The following AXL variants were observed in gnomAD, a reference collection of about 807,000 sequenced individuals.
AXL encodes the protein AXL receptor tyrosine kinase.
A neutral mutation model predicts 104.5 loss-of-function variants in AXL; 52 were observed. The observed-to-expected ratio is 0.50, with a 90% CI of 0.40 to 0.63. AXL has a LOEUF of 0.63. Ranked by LOEUF, AXL falls within the 20% of genes least tolerant of loss-of-function variation. The probability of loss-of-function intolerance (pLI) is 0.00; values close to 1 mark genes in which losing one functional copy is unlikely to be tolerated. For synonymous variants in AXL, 455 were observed against 473.7 expected (o/e 0.96, Z 0.51); for missense variants, 1,024 against 1,188.5 (o/e 0.86, Z 2.04).
intron 4 of AXL, among the ~76,000 whole-genome samples, chr19:41,224,536 C>T (rs1043873641): frequency 6.6e-6 from 1 of 152,152 alleles, no homozygotes; most frequent in African/African-American, 2.4e-5. Context: ...GCATGTGCCA[C>T]CATACCCAGA....
At chr19:41,221,779 A>G in intron 3 of AXL, 101 bp from the exon 4 acceptor site, 1 of 1,307,258 alleles carries the variant, frequency 7.6e-7, no homozygotes. Flanking sequence ...ATGACCCTGC[A>G]GGGTGGGTTT....
chr19:41,243,785 A>C, intron 12 of AXL, 78 bp downstream of exon 12: 3 of 1,288,136 alleles, frequency 2.3e-6, no homozygotes, highest in Non-Finnish European at 3.4e-6. Context: ...GCTTCTGTAC[A>C]TGTGTGAGCC....
At position 41,242,901 on chromosome 19, in the gene AXL, C is replaced by T. The variant is rs2122246973; in HGVS notation, c.1331C>T (p.Pro444Leu). The T allele has an allele frequency of 6.2e-7, 1 of 1,614,208 alleles. No homozygotes were observed. Among genetic ancestry groups the T allele is most frequent in the Non-Finnish European group, 8.5e-7 (1 of 1,180,038 alleles). ...CTGATAGTGAAGGAACCTTCAACTC[C>T]TGCCTTCTCGTGGCCCTGGTGGTAT... is the stretch of plus-strand genomic sequence containing the variant. ...VHQLVKEPST[P>L]AFSWPWWYVL... The change falls in exon 11 of 20, where the codon CCT (proline) becomes CTT (leucine). Residue 444 changes from proline to leucine, a missense_variant. Coordinates refer to ENST00000301178, the MANE Select transcript of AXL (RefSeq NM_021913.5).
At chr19:41,249,205 C>T (rs919660476) in intron 14 of AXL, among the ~76,000 whole-genome samples, 10 of 151,782 alleles carry the variant, frequency 6.6e-5, no homozygotes, top group South Asian at 4.2e-4. Flanking sequence ...TTTGGGAGGC[C>T]GAGGCAGCAG....
At position 41,253,726 on chromosome 19, in the gene AXL, A is replaced by AC. The variant is rs68001077; in HGVS notation, c.2036+30dup. On this transcript the variant is annotated intron_variant, in intron 17 of 19. Transcript: ENST00000301178. ...AACTGCATGTGAGTGCCTTTCAGGG[A>AC]CCCCCCCCCCCCAACTGCTCCTGCA... 10,804 of 1,380,748 alleles carry AC rather than the reference A, an allele frequency of 7.8e-3. 31 individuals carry two copies. The highest frequency in any genetic ancestry group is 0.029 in the African/African-American group (1,768 of 60,710). 85.5% of individuals were successfully genotyped at this position (1,380,748 alleles called of 1,614,324 possible). A position where few individuals can be genotyped will look rare whatever the true frequency, so the allele number is the denominator to read the frequency against.
rs770614993 is a variant in AXL at position 41,259,535 on chromosome 19, C to T, written c.2334-18C>T. 6.4e-6 allele frequency: 10 copies of T among 1,570,636 alleles called. No homozygotes were observed. In the East Asian group the frequency reaches 2.0e-4, roughly 32 times the overall value. ...TGAGTCCCTGCTCAATCTCCCACCC[C>T]TCATTTTGCTGCCCTAGGTATGCCT... is the stretch of plus-strand genomic sequence containing the variant. On this transcript the variant is annotated intron_variant, in intron 19 of 19. Transcript: ENST00000301178.
intron 6 of AXL, among the ~76,000 whole-genome samples, chr19:41,236,993 A>G (rs1568412444): frequency 6.6e-6 from 1 of 151,712 alleles, no homozygotes; most frequent in Non-Finnish European, 1.5e-5. Context: ...AGCGTATTTT[A>G]TGTGTGGCCC....
At chr19:41,228,495 A>G (rs910570032) in intron 4 of AXL, among the ~76,000 whole-genome samples, 1 of 152,190 alleles carries the variant, frequency 6.6e-6, no homozygotes, top group Non-Finnish European at 1.5e-5. Flanking sequence ...CAGAGGTTGC[A>G]GTGAGCCAAG....
chr19:41,248,600 C>T lies in AXL; in HGVS notation c.1624C>T (p.Leu542=). 8 of 1,614,116 alleles carry T rather than the reference C, an allele frequency of 5.0e-6. No individual in the cohort carries two copies. Among genetic ancestry groups the T allele is most frequent in the Non-Finnish European group, 6.8e-6 (8 of 1,179,982 alleles). Reference sequence around the variant, plus strand: ...GCACAAGGTGGCCCTGGGGAAGACTCTGGGAGAGGGTGAGTCCCCCGGCAG... The same window carrying T: ...GCACAAGGTGGCCCTGGGGAAGACTTTGGGAGAGGGTGAGTCCCCCGGCAG... ...DRHKVALGKT[L]GEGEFGAVME... is the part of the protein sequence containing the mutation. Residue 542 remains leucine, a synonymous_variant, in exon 13 of 20, where the codon CTG becomes TTG. Transcript: ENST00000301178.
chr19:41,241,556 AAAAGAAAG>A (rs912009981), intron 10 of AXL, among the ~76,000 whole-genome samples: 3 of 151,062 alleles, frequency 2.0e-5, no homozygotes, highest in African/African-American at 7.3e-5. Flanking sequence ...AAAAAAAAAA[AAAAGAAAG>A]AAAGAAAGAA....
chr19:41,260,158 T>G lies in AXL; in HGVS notation c.*254T>G. On this transcript the variant is annotated 3_prime_UTR_variant, in exon 20 of 20. Coordinates refer to ENST00000301178, the MANE Select transcript of AXL (RefSeq NM_021913.5). ...TCTGAAGCCCTCCCAGGTGTTAACA[T>G]TCCAAGACTCTAGAGTCCAAGGTTT... 4.4e-6 allele frequency: 2 copies of G among 455,106 alleles called. No individual in the cohort carries two copies. The highest frequency in any genetic ancestry group is 3.9e-6 in the Non-Finnish European group (1 of 257,998). The allele number at this position is 455,106 out of a possible 1,614,324, so 28.2% of individuals were successfully genotyped here.
Position 41,251,938 on chromosome 19 carries a change from C to A in AXL, c.1712-413C>A, listed in dbSNP as rs564690059. ...ACCATCCTGGCTAACAAGGTGAAAC[C>A]CCGTCTCTACTAAAAATACAAAAAA... On this transcript the variant is annotated intron_variant, in intron 14 of 19. Coordinates refer to ENST00000301178, the MANE Select transcript of AXL (RefSeq NM_021913.5). Among the ~76,000 whole-genome samples the A allele has an allele frequency of 6.7e-3, 1,016 of 150,594 alleles. 14 individuals are homozygous for A. The highest frequency in any genetic ancestry group is 0.023 in the African/African-American group (951 of 41,060).
At position 41,240,025 on chromosome 19, in the gene AXL, C is replaced by T. The variant is rs75088429; in HGVS notation, c.1312+305C>T. Among the ~76,000 whole-genome samples the T allele has an allele frequency of 0.081, 11,403 of 140,522 alleles. 974 individuals are homozygous for T. Among genetic ancestry groups the T allele is most frequent in the African/African-American group, 0.22 (8,444 of 38,040 alleles). The allele number at this position is 140,522 out of a possible 152,430, so 92.2% of individuals were successfully genotyped here. On this transcript the variant is annotated intron_variant, in intron 10 of 19. Transcript: ENST00000301178. ...AATGGATGAATAGAGGATGGATAGG[C>T]GGGTGAACAGATAAATGACTGGATG...
intron 4 of AXL, among the ~76,000 whole-genome samples, chr19:41,227,972 A>G (rs2033912540): frequency 6.6e-6 from 1 of 152,184 alleles, no homozygotes; most frequent in Non-Finnish European, 1.5e-5. Context: ...GTTTCATCAC[A>G]GTACTCAGAA....
chr19:41,219,814 A>T (rs1306371236), intron 1 of AXL, among the ~76,000 whole-genome samples: 1 of 151,632 alleles, frequency 6.6e-6, no homozygotes, highest in Non-Finnish European at 1.5e-5. Context: ...GCCAGGAAGG[A>T]AGAAATCTTT....
intron 14 of AXL, among the ~76,000 whole-genome samples, chr19:41,249,754 T>C (rs1274997262): frequency 6.7e-6 from 1 of 149,686 alleles, no homozygotes; most frequent in Admixed American, 6.7e-5. Flanking sequence ...AGACTCCGTC[T>C]GAAAAAAAAA....
intron 6 of AXL, among the ~76,000 whole-genome samples, chr19:41,236,433 C>T (rs1024815350): frequency 6.6e-6 from 1 of 151,694 alleles, no homozygotes; most frequent in Non-Finnish European, 1.5e-5. Flanking sequence ...ACCTGGGAGG[C>T]GGAGATTGCA....
At chr19:41,239,131 G>A (rs762969774) in intron 8 of AXL, 33 bp from the exon 9 acceptor site, 8 of 1,611,984 alleles carry the variant, frequency 5.0e-6, no homozygotes, top group Non-Finnish European at 6.8e-6. Flanking sequence ...GGGGGGTAAG[G>A]TTCTACCCTG....
Position 41,242,923 on chromosome 19 carries a change from G to A in AXL, c.1353G>A (p.Trp451Ter), listed in dbSNP as rs1299135879. 6.2e-7 allele frequency: 1 copy of A among 1,614,198 alleles called. No homozygotes were observed. The highest frequency in any genetic ancestry group is 1.7e-5 in the Admixed American group (1 of 60,026). Residue 451 changes from tryptophan (W) to a stop codon, truncating the protein, a stop_gained, in exon 11 of 20, where the codon TGG (tryptophan) becomes TGA (stop). Transcript: ENST00000301178. LOFTEE classifies it high-confidence loss of function. ...PSTPAFSWPWWYVLLGAVVAA... is the reference protein window; with the variant it reads ...PSTPAFSWPW The stretch of plus-strand genomic sequence containing the variant: ...CTCCTGCCTTCTCGTGGCCCTGGTG[G>A]TATGTACTGCTAGGAGCAGTCGTGG...
Sources: allele counts gnomAD v4.1 joint callset (sites outside exome capture counted in the v4.1 genomes callset), GRCh38; gene constraint gnomAD v4.1.1; transcripts MANE v1.5; gene names NCBI Gene and HGNC (gene_info 2026-07-23, HGNC 2026-07-21).